Variants in AGBL1 observed in about 807,000 individuals in gnomAD.
AGBL1 encodes cytosolic carboxypeptidase 4.
AGBL1 carries 130 observed loss-of-function variants against 118.9 expected under a neutral mutation model. The observed-to-expected ratio is 1.09, with a 90% CI of 0.95 to 1.26. The LOEUF (loss-of-function observed/expected upper bound fraction) is 1.26, where lower values mean the gene tolerates loss of function less well. Ranked by LOEUF, AGBL1 falls within the 50% of genes most tolerant of loss-of-function variation. AGBL1 has a pLI of 0.00. For synonymous variants in AGBL1, 555 were observed against 478.9 expected (o/e 1.16, Z -2.08); for missense variants, 1,584 against 1,298.1 (o/e 1.22, Z -3.38).
At chr15:86,776,998 CA>C (rs765627175) in intron 22 of AGBL1, among the ~76,000 whole-genome samples, 3 of 151,728 alleles carry the variant, frequency 2.0e-5, no homozygotes, top group Non-Finnish European at 2.9e-5. Flanking sequence ...TTCTTCTATA[CA>C]TTTTTCTAAA....
chr15:86,808,618 C>T (rs2078748774), intron 22 of AGBL1, among the ~76,000 whole-genome samples: 3 of 144,570 alleles, frequency 2.1e-5, no homozygotes, highest in East Asian at 4.0e-4. Flanking sequence ...TCCTTCCTTC[C>T]CTTTCTTTCC....
chr15:86,559,782 T>A (rs1943764326), intron 21 of AGBL1, among the ~76,000 whole-genome samples: 2 of 152,098 alleles, frequency 1.3e-5, no homozygotes, highest in South Asian at 2.1e-4. Flanking sequence ...GAGCCAGGAT[T>A]TGAAGCCAGA....
intron 3 of AGBL1, among the ~76,000 whole-genome samples, chr15:86,152,561 C>T (rs1220961922): frequency 6.6e-6 from 1 of 152,032 alleles, no homozygotes; most frequent in Non-Finnish European, 1.5e-5. Flanking sequence ...CCATAAAAAC[C>T]CCAGAAGAAA....
At chr15:86,340,736 G>A (rs1455225414) in intron 17 of AGBL1, among the ~76,000 whole-genome samples, 1 of 152,300 alleles carries the variant, frequency 6.6e-6, no homozygotes, top group African/African-American at 2.4e-5. Context: ...TACCTATCTG[G>A]TAGAGGAAGG....
intron 22 of AGBL1, among the ~76,000 whole-genome samples, chr15:86,747,911 C>G (rs2077781454): frequency 6.6e-6 from 1 of 152,178 alleles, no homozygotes; most frequent in Admixed American, 6.5e-5. Flanking sequence ...CAAGTCTTTG[C>G]TATTGTGAAT....
At chr15:86,352,227 T>C (rs190203870) in intron 17 of AGBL1, among the ~76,000 whole-genome samples, 2 of 152,296 alleles carry the variant, frequency 1.3e-5, no homozygotes, top group South Asian at 2.1e-4. Context: ...AACTATGATA[T>C]AGAGAAGGGC....
intron 22 of AGBL1, among the ~76,000 whole-genome samples, chr15:86,763,841 T>G (rs1596460433): frequency 6.6e-6 from 1 of 152,166 alleles, no homozygotes; most frequent in East Asian, 1.9e-4. Flanking sequence ...CCACCTATCT[T>G]TGGTGTTCCT....
Position 86,196,879 on chromosome 15 carries a change from G to GCGCA in AGBL1, c.489-28034_489-28033insGCAC, listed in dbSNP as rs756313941. ...CGAATGTGCACATGTGCGCGCGCGCGCACACACACACACACACACACACAC... is the reference window on the plus strand; with the variant it reads ...CGAATGTGCACATGTGCGCGCGCGCGCGCACACACACACACACACACACACACAC... On this transcript the variant is annotated intron_variant, in intron 5 of 22. Coordinates refer to ENST00000614907, the MANE Select transcript of AGBL1 (RefSeq NM_001386094.1). 6.8e-3 allele frequency among the ~76,000 whole-genome samples: 797 copies of GCGCA among 116,980 alleles called. 2 individuals carry two copies. Among genetic ancestry groups the GCGCA allele is most frequent in the East Asian group, 0.015 (64 of 4,206 alleles). 76.7% of individuals were successfully genotyped at this position (116,980 alleles called of 152,430 possible). A position where few individuals can be genotyped will look rare whatever the true frequency, so the allele number is the denominator to read the frequency against.
At chr15:86,327,225 C>A (rs995323473) in intron 17 of AGBL1, among the ~76,000 whole-genome samples, 1 of 152,072 alleles carries the variant, frequency 6.6e-6, no homozygotes, top group Non-Finnish European at 1.5e-5. Context: ...GGAGGGTGTG[C>A]ATGACAAGGG....
chr15:86,356,691 C>A (rs1352577939), intron 17 of AGBL1, among the ~76,000 whole-genome samples: 1 of 152,212 alleles, frequency 6.6e-6, no homozygotes, highest in Admixed American at 6.5e-5. Context: ...GGCTACAGTT[C>A]CTGAGACAAG....
intron 21 of AGBL1, among the ~76,000 whole-genome samples, chr15:86,560,051 A>G (rs2083792308): frequency 6.6e-6 from 1 of 152,172 alleles, no homozygotes; most frequent in South Asian, 2.1e-4. Context: ...TTTGCTGGGT[A>G]TCCAAGGGAC....
chr15:86,808,003 T>C (rs896990433), intron 22 of AGBL1, among the ~76,000 whole-genome samples: 1 of 152,074 alleles, frequency 6.6e-6, no homozygotes, highest in East Asian at 1.9e-4. Flanking sequence ...TATTTTATCA[T>C]CTGTAAAGTA....
At chr15:86,459,715 A>G (rs1458292940) in intron 18 of AGBL1, among the ~76,000 whole-genome samples, 1 of 152,124 alleles carries the variant, frequency 6.6e-6, no homozygotes, top group Non-Finnish European at 1.5e-5. Context: ...GAAAGGTCAT[A>G]TGCTTTTTGG....
intron 22 of AGBL1, among the ~76,000 whole-genome samples, chr15:86,887,249 A>T (rs1343719239): frequency 1.3e-5 from 2 of 152,166 alleles, no homozygotes; most frequent in Non-Finnish European, 2.9e-5. Flanking sequence ...ATATCTATTT[A>T]TGTATGTATC....
intron 22 of AGBL1, among the ~76,000 whole-genome samples, chr15:86,822,239 G>T (rs927448723): frequency 4.6e-5 from 7 of 152,110 alleles, no homozygotes; most frequent in Non-Finnish European, 1.5e-5. Flanking sequence ...TTAGAGCAAT[G>T]GGTTGTTCTT....
intron 22 of AGBL1, among the ~76,000 whole-genome samples, chr15:86,854,835 A>T (rs2079455522): frequency 6.6e-6 from 1 of 152,176 alleles, no homozygotes; most frequent in Admixed American, 6.6e-5. Flanking sequence ...CTCAAAGACC[A>T]TCACTGATTT....
In AGBL1 at chr15:86,257,153, T is replaced by C. The variant is rs899111806; in HGVS notation, c.901+135T>C. The C allele has an allele frequency of 4.4e-5, 45 of 1,022,676 alleles. No homozygotes were observed. In the East Asian group the frequency reaches 1.1e-3, roughly 26 times the overall value. 63.4% of individuals were successfully genotyped at this position (1,022,676 alleles called of 1,614,324 possible). A position where few individuals can be genotyped will look rare whatever the true frequency, so the allele number is the denominator to read the frequency against. On this transcript the variant is annotated intron_variant, in intron 8 of 22. Transcript: ENST00000614907. ...TTGTCTATTAAGCTAATTAGAGACA[T>C]ATATGAAAAAGCAGTTTTGATTTTC...
chr15:86,175,143 G>T lies in AGBL1; in HGVS notation c.488+16117G>T, dbSNP rs1461758920. ...TAAAGTCATCTGGTCCTGAGTTTTT[G>T]TTCTTGTTGTTGTTGTTAGGGGACT... On this transcript the variant is annotated intron_variant, in intron 5 of 22. Coordinates refer to ENST00000614907, the MANE Select transcript of AGBL1 (RefSeq NM_001386094.1). Among the ~76,000 whole-genome samples, 4 of 151,586 alleles carry T rather than the reference G, an allele frequency of 2.6e-5. No homozygotes were observed. The East Asian group carries it at 5.8e-4, about 22-fold the overall frequency.
At chr15:86,603,961 G>A (rs1316205157) in intron 21 of AGBL1, among the ~76,000 whole-genome samples, 1 of 152,100 alleles carries the variant, frequency 6.6e-6, no homozygotes, top group Non-Finnish European at 1.5e-5. Flanking sequence ...TTCAGATTCT[G>A]CCACTAGAGA....
Sources: gnomAD v4.1 joint callset for allele counts (sites outside exome capture counted in the v4.1 genomes callset) on GRCh38, gnomAD v4.1.1 for gene constraint, MANE v1.5 for transcripts, NCBI Gene and HGNC (gene_info 2026-07-23, HGNC 2026-07-21) for gene names.